The following PTPRM variants were observed in gnomAD, a reference collection of about 807,000 sequenced individuals.
The protein encoded by PTPRM is receptor-type tyrosine-protein phosphatase mu.
In PTPRM, 47 loss-of-function variants were observed where a neutral mutation model predicts 186.7. That is an observed-to-expected ratio of 0.25 (90% CI 0.20 to 0.32). The LOEUF is 0.32. PTPRM is among the 10% of genes least tolerant of loss of function. The pLI is 1.00. For missense variants in PTPRM, 1,494 were observed against 1,865.0 expected (o/e 0.80, Z 3.66); for synonymous variants, 668 against 674.9 (o/e 0.99, Z 0.16).
chr18:8,067,651 G>A (rs146658439), intron 7 of PTPRM, among the ~76,000 whole-genome samples: 78 of 152,260 alleles, frequency 5.1e-4, no homozygotes, highest in African/African-American at 1.9e-3. Context: ...GGTAAAAAGG[G>A]GGGATTTTAA....
At chr18:7,714,951 C>T (rs2040293513) in intron 1 of PTPRM, among the ~76,000 whole-genome samples, 1 of 151,548 alleles carries the variant, frequency 6.6e-6, no homozygotes, top group African/African-American at 2.4e-5. Flanking sequence ...AAGACCATTC[C>T]TTCCGAAACT....
chr18:7,978,604 T>C (rs527711350), intron 7 of PTPRM, among the ~76,000 whole-genome samples: 3 of 152,344 alleles, frequency 2.0e-5, no homozygotes, highest in African/African-American at 7.2e-5. Context: ...GGTAACACTT[T>C]CTCTGTTTGA....
chr18:7,877,613 A>G (rs976759904), intron 2 of PTPRM, among the ~76,000 whole-genome samples: 3 of 152,168 alleles, frequency 2.0e-5, no homozygotes, highest in African/African-American at 7.2e-5. Context: ...CACCTCTTTG[A>G]TTAGGAAACT....
At chr18:8,143,871 C>A in intron 14 of PTPRM, 92 bp downstream of exon 14, 1 of 1,471,010 alleles carries the variant, frequency 6.8e-7, no homozygotes, top group Non-Finnish European at 9.4e-7. Context: ...ACTGAACTGG[C>A]TTTGATAACC....
At chr18:8,346,884 TC>T (rs2095508242) in intron 23 of PTPRM, among the ~76,000 whole-genome samples, 4 of 151,588 alleles carry the variant, frequency 2.6e-5, no homozygotes, top group Admixed American at 2.6e-4. Context: ...AGCCTCTCCC[TC>T]CAGGCCCAGG....
chr18:8,275,948 C>G (rs1267427765), intron 19 of PTPRM, among the ~76,000 whole-genome samples: 2 of 152,132 alleles, frequency 1.3e-5, no homozygotes, highest in East Asian at 3.9e-4. Flanking sequence ...GAGCTCCATC[C>G]TACCTCTCTT....
At chr18:8,014,509 A>G (rs2084737965) in intron 7 of PTPRM, among the ~76,000 whole-genome samples, 2 of 152,218 alleles carry the variant, frequency 1.3e-5, no homozygotes, top group South Asian at 4.1e-4. Flanking sequence ...TGCAAGTGTT[A>G]TAAGATAATT....
intron 1 of PTPRM, among the ~76,000 whole-genome samples, chr18:7,677,476 G>A (rs1177919736): frequency 6.6e-6 from 1 of 152,134 alleles, no homozygotes. Context: ...GAAGCAGAAG[G>A]GCCACTGTTT....
At chr18:7,632,399 T>C (rs1212454189) in intron 1 of PTPRM, among the ~76,000 whole-genome samples, 1 of 152,238 alleles carries the variant, frequency 6.6e-6, no homozygotes, top group Non-Finnish European at 1.5e-5. Flanking sequence ...AAATTAGAAT[T>C]GGAACTTGCG....
chr18:8,302,494 T>TG lies in PTPRM; in HGVS notation c.2842+6046dup, dbSNP rs572875063. Among the ~76,000 whole-genome samples the TG allele has an allele frequency of 7.9e-3, 1,196 of 151,840 alleles. 11 individuals are homozygous for TG. The highest frequency in any genetic ancestry group is 0.054 in the Middle Eastern group (16 of 294). ...ATAACGGAAACTTCATTAAAGGGGT[T>TG]GGGGGGGTGTTAATAAAATTTCATT... On this transcript the variant is annotated intron_variant, in intron 20 of 32. Transcript: ENST00000580170.
chr18:7,811,412 C>G (rs761575099), intron 2 of PTPRM, among the ~76,000 whole-genome samples: 1 of 152,202 alleles, frequency 6.6e-6, no homozygotes, highest in Non-Finnish European at 1.5e-5. Flanking sequence ...GCATGGAGCT[C>G]AGTGGTGCAA....
At chr18:8,067,829 C>T (rs750542302) in intron 7 of PTPRM, among the ~76,000 whole-genome samples, 4 of 152,120 alleles carry the variant, frequency 2.6e-5, no homozygotes, top group Non-Finnish European at 4.4e-5. Flanking sequence ...TTGACCCTCT[C>T]GTCTATAGAA....
intron 7 of PTPRM, among the ~76,000 whole-genome samples, chr18:8,054,323 T>TATA (rs2087754007): frequency 1.2e-5 from 1 of 85,860 alleles, no homozygotes; most frequent in South Asian, 3.3e-4. Flanking sequence ...ATATATATAT[T>TATA]ACTACTACTA....
intron 2 of PTPRM, among the ~76,000 whole-genome samples, chr18:7,882,691 C>T (rs9965384): frequency 6.6e-6 from 1 of 152,186 alleles, no homozygotes; most frequent in African/African-American, 2.4e-5. Context: ...CCATGTAACT[C>T]TTTCTTCCTG....
intron 1 of PTPRM, among the ~76,000 whole-genome samples, chr18:7,686,549 A>T (rs2039606520): frequency 6.6e-6 from 1 of 151,116 alleles, no homozygotes; most frequent in African/African-American, 2.4e-5. Context: ...CATTTAGCAT[A>T]TCATGATGAA....
chr18:7,917,895 C>T (rs1219111143), intron 4 of PTPRM, among the ~76,000 whole-genome samples: 3 of 152,130 alleles, frequency 2.0e-5, no homozygotes, highest in Non-Finnish European at 4.4e-5. Flanking sequence ...TCATGAGATC[C>T]ACTATTTTAG....
chr18:7,613,577 G>A (rs2037731224), intron 1 of PTPRM, among the ~76,000 whole-genome samples: 1 of 152,060 alleles, frequency 6.6e-6, no homozygotes, highest in African/African-American at 2.4e-5. Context: ...GGAGACTGAG[G>A]CAGGAGAATC....
intron 3 of PTPRM, among the ~76,000 whole-genome samples, chr18:7,896,802 C>T (rs2049384549): frequency 1.3e-5 from 2 of 152,110 alleles, no homozygotes; most frequent in African/African-American, 2.4e-5. Flanking sequence ...CAAGATTCAC[C>T]CTTATCAGTC....
intron 1 of PTPRM, among the ~76,000 whole-genome samples, chr18:7,639,137 C>T (rs938611755): frequency 2.0e-5 from 3 of 151,144 alleles, no homozygotes; most frequent in African/African-American, 4.9e-5. Context: ...TGCAGTGGGG[C>T]GATCTCCACT....
Sources: allele counts gnomAD v4.1 joint callset (sites outside exome capture counted in the v4.1 genomes callset), GRCh38; gene constraint gnomAD v4.1.1; transcripts MANE v1.5; gene names NCBI Gene and HGNC (gene_info 2026-07-23, HGNC 2026-07-21).